MKX: variants seen among roughly 807,000 people sequenced by gnomAD.
MKX encodes the protein homeobox protein Mohawk.
A neutral mutation model predicts 36.0 loss-of-function variants in MKX; 13 were observed. The ratio of observed to expected loss-of-function variants is 0.36; its 90% CI spans 0.24 to 0.57. The LOEUF (loss-of-function observed/expected upper bound fraction) is 0.57. Among genes scored for constraint, MKX ranks in the 20% least tolerant of loss-of-function variants. MKX has a pLI of 0.79. For synonymous variants in MKX, 176 were observed against 178.3 expected (o/e 0.99, Z 0.10); for missense variants, 458 against 456.4 (o/e 1.00, Z -0.03).
At chr10:27,711,494 T>TCTCCCTTCCTTCCTTCCTTCCTTC (rs1554772211) in intron 5 of MKX, among the ~76,000 whole-genome samples, 1 of 34,150 alleles carries the variant, frequency 2.9e-5, no homozygotes, top group African/African-American at 1.4e-4. Flanking sequence ...TCTCTCTCTC[T>TCTCCCTTCCTTCCTTCCTTCCTTC]CTTCTTTCCT....
At chr10:27,711,488 TCTCTC>T in intron 5 of MKX, among the ~76,000 whole-genome samples, 5 of 55,500 alleles carry the variant, frequency 9.0e-5, no homozygotes, top group African/African-American at 3.3e-4. Flanking sequence ...TCTTTCTCTC[TCTCTC>T]TCTTCTTTCC....
At chr10:27,681,225 T>C (rs1271880426) in intron 5 of MKX, among the ~76,000 whole-genome samples, 1 of 151,836 alleles carries the variant, frequency 6.6e-6, no homozygotes, top group African/African-American at 2.4e-5. Context: ...GGCGGGTGAA[T>C]CACTTGAGTT....
intron 5 of MKX, among the ~76,000 whole-genome samples, chr10:27,702,408 A>C (rs903619138): frequency 6.6e-6 from 1 of 152,198 alleles, no homozygotes; most frequent in East Asian, 1.9e-4. Context: ...AAAACCCTTG[A>C]AGGAGTGAAG....
At chr10:27,696,708 G>A (rs559631354) in intron 5 of MKX, among the ~76,000 whole-genome samples, 1 of 151,814 alleles carries the variant, frequency 6.6e-6, no homozygotes, top group East Asian at 1.9e-4. Context: ...AATTATGTCA[G>A]CAGCTAGTCT....
At chr10:27,729,741 T>C (rs1455621612) in intron 5 of MKX, among the ~76,000 whole-genome samples, 1 of 152,184 alleles carries the variant, frequency 6.6e-6, no homozygotes, top group Non-Finnish European at 1.5e-5. Context: ...ATTTACTCTT[T>C]CTTAGAATCC....
intron 5 of MKX, among the ~76,000 whole-genome samples, chr10:27,718,222 A>G (rs570019582): frequency 2.0e-5 from 3 of 152,286 alleles, no homozygotes; most frequent in East Asian, 3.9e-4. Flanking sequence ...AGAAGAAGAA[A>G]AAGAAGAAAT....
rs947490871 is a variant in MKX at position 27,708,409 on chromosome 10, T to C, written c.838+26047A>G. On this transcript the variant is annotated intron_variant, in intron 5 of 6. Coordinates refer to ENST00000419761, the MANE Select transcript of MKX (RefSeq NM_173576.3). ...ATGTATTTGTTCATTTATTCATCTA[T>C]ACATTTTCTATTTCTTTAATGCATC... 2.6e-5 allele frequency among the ~76,000 whole-genome samples: 4 copies of C among 152,220 alleles called. No individual in the cohort carries two copies. In the South Asian group the frequency reaches 8.3e-4, roughly 32 times the overall value.
chr10:27,739,308 C>T (rs1240646383), intron 3 of MKX, among the ~76,000 whole-genome samples: 2 of 151,870 alleles, frequency 1.3e-5, no homozygotes, highest in Non-Finnish European at 2.9e-5. Flanking sequence ...TTATTTTTTC[C>T]ATTTATCACT....
At chr10:27,703,556 T>C (rs1035033046) in intron 5 of MKX, among the ~76,000 whole-genome samples, 2 of 151,742 alleles carry the variant, frequency 1.3e-5, no homozygotes, top group Admixed American at 1.3e-4. Flanking sequence ...ATCATCACTC[T>C]TTGCAAATAT....
intron 5 of MKX, among the ~76,000 whole-genome samples, chr10:27,680,184 A>G (rs575118536): frequency 1.5e-3 from 232 of 152,296 alleles, no homozygotes; most frequent in Non-Finnish European, 2.2e-3. Flanking sequence ...TGGCTCGGCT[A>G]TATCTCTTAC....
At chr10:27,692,555 G>A (rs1589660834) in intron 5 of MKX, among the ~76,000 whole-genome samples, 1 of 152,128 alleles carries the variant, frequency 6.6e-6, no homozygotes, top group Non-Finnish European at 1.5e-5. Context: ...TGCTGGTAGG[G>A]CCTTTTATTT....
At chr10:27,695,415 A>T (rs931773392) in intron 5 of MKX, among the ~76,000 whole-genome samples, 1 of 151,096 alleles carries the variant, frequency 6.6e-6, no homozygotes, top group African/African-American at 2.4e-5. Context: ...GAAAGGAGAG[A>T]TGCTCAGTAA....
chr10:27,685,409 G>A (rs1243683641), intron 5 of MKX, among the ~76,000 whole-genome samples: 1 of 149,946 alleles, frequency 6.7e-6, no homozygotes, highest in Non-Finnish European at 1.5e-5. Flanking sequence ...CAAGTAAGTT[G>A]TCTTGAGATC....
chr10:27,692,531 GTGCAAAATTGTTGTGCTGGTAGGGCCT>G (rs1384184083), intron 5 of MKX, among the ~76,000 whole-genome samples: 4 of 152,184 alleles, frequency 2.6e-5, no homozygotes, highest in African/African-American at 4.8e-5. Context: ...ATGTGGCCCA[GTGCAAAATTGTTGTGCTGGTAGGGCCT>G]TTTATTTTTA....
chr10:27,725,073 C>T (rs565979153), intron 5 of MKX, among the ~76,000 whole-genome samples: 1 of 152,086 alleles, frequency 6.6e-6, no homozygotes, highest in Non-Finnish European at 1.5e-5. Flanking sequence ...TGCCAAAAAC[C>T]GTTAGACTTA....
chr10:27,722,809 A>G (rs73604044), intron 5 of MKX, among the ~76,000 whole-genome samples: 1,847 of 152,274 alleles, frequency 0.012, 40 homozygotes, highest in African/African-American at 0.04. Context: ...TTATGCTGTC[A>G]TTTTAATGAA....
chr10:27,691,568 T>C (rs1836454538), intron 5 of MKX, among the ~76,000 whole-genome samples: 1 of 151,688 alleles, frequency 6.6e-6, no homozygotes, highest in South Asian at 2.1e-4. Flanking sequence ...TCAACTACTA[T>C]TTTAAATTCA....
rs189051224 is a variant in MKX at position 27,690,597 on chromosome 10, C to G, written c.839-15043G>C. ...TATAAAATGGGGATCATTGTAACAC[C>G]TACTTCGTACGGTTGCTGTGGGGAT... is the stretch of plus-strand genomic sequence containing the variant. On this transcript the variant is annotated intron_variant, in intron 5 of 6. Coordinates refer to ENST00000419761, the MANE Select transcript of MKX (RefSeq NM_173576.3). Among the ~76,000 whole-genome samples the G allele has an allele frequency of 2.6e-5, 4 of 152,230 alleles. No homozygotes were observed. The South Asian group carries it at 8.3e-4, about 32-fold the overall frequency.
At chr10:27,717,636 A>G (rs950895453) in intron 5 of MKX, among the ~76,000 whole-genome samples, 1 of 152,174 alleles carries the variant, frequency 6.6e-6, no homozygotes, top group African/African-American at 2.4e-5. Flanking sequence ...GGAAAAGAAA[A>G]CCCTTCAAAT....
Sources: allele counts gnomAD v4.1 joint callset (sites outside exome capture counted in the v4.1 genomes callset), GRCh38; gene constraint gnomAD v4.1.1; transcripts MANE v1.5; gene names NCBI Gene and HGNC (gene_info 2026-07-23, HGNC 2026-07-21).